Variants in CCDC183 observed in about 807,000 individuals in gnomAD.
CCDC183 encodes the protein coiled-coil domain containing 183.
A neutral mutation model predicts 65.2 loss-of-function variants in CCDC183; 63 were observed. The observed-to-expected ratio is 0.97, with a 90% CI of 0.79 to 1.19. CCDC183 has a LOEUF of 1.19. CCDC183 is among the 50% of genes most tolerant of loss of function. CCDC183 has a pLI of 0.00. For missense variants in CCDC183, 769 were observed against 689.3 expected, an observed-to-expected ratio of 1.12 and a Z score of -1.30; for synonymous variants, 323 against 276.5, an observed-to-expected ratio of 1.17 and a Z score of -1.67.
At chr9:136,803,639 CAG>C (rs1323771341) in intron 6 of CCDC183, among the ~76,000 whole-genome samples, 1 of 152,212 alleles carries the variant, frequency 6.6e-6, no homozygotes, top group African/African-American at 2.4e-5. Context: ...GCCAGCTCAG[CAG>C]AGACAGGTGG....
intron 3 of CCDC183, 57 bp from the exon 4 acceptor site, chr9:136,799,945 G>A (rs1202967605): frequency 2.2e-5 from 34 of 1,543,822 alleles, no homozygotes; most frequent in Non-Finnish European, 2.7e-5. Flanking sequence ...GCCTGCTGGC[G>A]GGCTCCATGG....
chr9:136,797,114 G>C (rs528055316), intron 1 of CCDC183, among the ~76,000 whole-genome samples: 2 of 152,218 alleles, frequency 1.3e-5, no homozygotes, highest in South Asian at 4.1e-4. Context: ...TCTGTGGCTA[G>C]AGGCAAGATA....
Position 136,804,675 on chromosome 9 carries a change from T to C in CCDC183, c.792+48T>C. ...GCTGGCTGCCCATCCCCATGACAGCTGGGTGGACACAGGCTCAGGGCCACC... is the reference window on the plus strand; with the variant it reads ...GCTGGCTGCCCATCCCCATGACAGCCGGGTGGACACAGGCTCAGGGCCACC... On this transcript the variant is annotated intron_variant, in intron 7 of 13. Coordinates refer to ENST00000338005, the MANE Select transcript of CCDC183 (RefSeq NM_001039374.5). The surrounding 1 kb of genome is among the most constrained non-coding windows in gnomAD (Gnocchi z 4.1). 6.2e-7 allele frequency: 1 copy of C among 1,612,824 alleles called. No homozygotes were observed. The highest frequency in any genetic ancestry group is 1.1e-5 in the South Asian group (1 of 91,038).
At chr9:136,800,610 C>T (rs1847724486) in intron 5 of CCDC183, 117 bp downstream of exon 5, 2 of 711,310 alleles carry the variant, frequency 2.8e-6, no homozygotes, top group Admixed American at 2.9e-5. Flanking sequence ...TGCCTGACCA[C>T]CGGCTACGCA....
In CCDC183 at chr9:136,800,452, A is replaced by G. The variant is rs747538741; in HGVS notation, c.502A>G (p.Ile168Val). 3 of 1,612,816 alleles carry G rather than the reference A, an allele frequency of 1.9e-6. No homozygotes were observed. Among genetic ancestry groups the G allele is most frequent in the Non-Finnish European group, 2.5e-6 (3 of 1,179,508 alleles). Residue 168 changes from isoleucine (I) to valine (V), a missense_variant, in exon 5 of 14, where the codon ATC becomes GTC. By Grantham distance (29) the Ile-to-Val change is conservative. Coordinates refer to ENST00000338005, the MANE Select transcript of CCDC183 (RefSeq NM_001039374.5). ...GATCAAGATCATCACCAGCCAGAAC[A>G]TCCACCTGCTGTATTTGGACCTGCT... ...TMIKIITSQN[I>V]HLLYLDLLDY...
At position 136,799,803 on chromosome 9, in the gene CCDC183, G is replaced by T. The variant is rs755982521; in HGVS notation, c.270+13G>T. ...CAGCACCATGGAGGTAACCAGGCAG[G>T]AGGGGCCTCGAGACCCAACCCTCCC... On this transcript the variant is annotated intron_variant, in intron 3 of 13. Coordinates refer to ENST00000338005, the MANE Select transcript of CCDC183 (RefSeq NM_001039374.5). 3.1e-6 allele frequency: 5 copies of T among 1,609,980 alleles called. No individual in the cohort carries two copies. Among genetic ancestry groups the T allele is most frequent in the Non-Finnish European group, 4.2e-6 (5 of 1,177,816 alleles).
At chr9:136,796,488 C>A (rs1354770295) in intron 1 of CCDC183, 21 bp downstream of exon 1, 4 of 1,543,586 alleles carry the variant, frequency 2.6e-6, no homozygotes, top group Non-Finnish European at 3.5e-6. Flanking sequence ...ACCGCCGTGA[C>A]CAGTCTCCCT....
chr9:136,805,971 A>G, intron 9 of CCDC183, 107 bp from the exon 10 acceptor site: 1 of 864,710 alleles, frequency 1.2e-6, no homozygotes, highest in East Asian at 2.7e-5. Context: ...GAGCACAGAG[A>G]AAGTGCACTA....
chr9:136,802,141 T>C lies in CCDC183; in HGVS notation c.544-523T>C, dbSNP rs188087324. On this transcript the variant is annotated intron_variant, in intron 5 of 13. Coordinates refer to ENST00000338005, the MANE Select transcript of CCDC183 (RefSeq NM_001039374.5). ...CTATAGCAAAGCTATCCTGAGCACG[T>C]ATGTACCTGGTTCTGGGCTAAATAA... Among the ~76,000 whole-genome samples the C allele has an allele frequency of 2.0e-3, 311 of 152,298 alleles. 1 individual carries two copies. The highest frequency in any genetic ancestry group is 7.1e-3 in the African/African-American group (295 of 41,552).
intron 1 of CCDC183, among the ~76,000 whole-genome samples, chr9:136,797,993 G>A (rs752464924): frequency 5.9e-5 from 9 of 152,072 alleles, no homozygotes; most frequent in South Asian, 4.2e-4. Flanking sequence ...GCTAATTTTC[G>A]TATTTGTATT....
chr9:136,798,258 G>A (rs951842918), intron 1 of CCDC183, among the ~76,000 whole-genome samples: 5 of 151,026 alleles, frequency 3.3e-5, no homozygotes, highest in Non-Finnish European at 4.4e-5. Context: ...CATCCGCCTC[G>A]GCCTCCCAAA....
intron 9 of CCDC183, 146 bp downstream of exon 9, chr9:136,805,603 G>A (rs1847830024): frequency 1.5e-6 from 1 of 650,514 alleles, no homozygotes; most frequent in Non-Finnish European, 2.7e-6. Flanking sequence ...GACACACAAA[G>A]TGGCAACTCC....
At chr9:136,803,158 AGGGCCAG>A (rs1564350073) in intron 6 of CCDC183, among the ~76,000 whole-genome samples, 4 of 51,468 alleles carry the variant, frequency 7.8e-5, no homozygotes, top group Non-Finnish European at 1.5e-4. Flanking sequence ...GGGGCCCCCC[AGGGCCAG>A]CCCTCTTGGA....
intron 6 of CCDC183, among the ~76,000 whole-genome samples, chr9:136,803,243 A>G (rs1048438802): frequency 2.3e-5 from 2 of 88,040 alleles, no homozygotes; most frequent in Admixed American, 2.1e-4. Flanking sequence ...GCCCTCTTGG[A>G]TCTTCGGATG....
chr9:136,797,790 G>A (rs550145165), intron 1 of CCDC183, among the ~76,000 whole-genome samples: 13 of 152,182 alleles, frequency 8.5e-5, no homozygotes, highest in Admixed American at 5.9e-4. Context: ...AGAAATACCC[G>A]CAGGTGTGGA....
Position 136,796,600 on chromosome 9 carries a change from T to G in CCDC183, c.70+133T>G, listed in dbSNP as rs921177783. On this transcript the variant is annotated intron_variant, in intron 1 of 13. Coordinates refer to ENST00000338005, the MANE Select transcript of CCDC183 (RefSeq NM_001039374.5). ...AAGGAAGACATAAGAAACTCCATTT[T>G]GATCTGTACTAAGAAAAATTGTTTC... is the stretch of plus-strand genomic sequence containing the variant. 4.3e-6 allele frequency: 3 copies of G among 694,618 alleles called. No individual in the cohort carries two copies. In the Admixed American group the frequency reaches 7.2e-5, roughly 17 times the overall value. 43.0% of individuals were successfully genotyped at this position (694,618 alleles called of 1,614,324 possible).
In CCDC183 at chr9:136,807,614, C is replaced by T. The variant is rs780207379; in HGVS notation, c.1529C>T (p.Ser510Leu). 6.2e-7 allele frequency: 1 copy of T among 1,605,946 alleles called. No individual in the cohort carries two copies. The highest frequency in any genetic ancestry group is 1.3e-5 in the African/African-American group (1 of 74,464). ...FPDMDHSYVP[S>L]RAEIKRQAQR... ...GACATGGACCACAGCTACGTCCCTTCGCGCGCCGAGATCAAGAGGCAGGCG... is the reference window on the plus strand; with the variant it reads ...GACATGGACCACAGCTACGTCCCTTTGCGCGCCGAGATCAAGAGGCAGGCG... The change falls in exon 14 of 14, where the codon TCG becomes TTG. Residue 510 changes from serine (S) to leucine (L), a missense_variant. Ser to Leu is a moderately radical substitution (Grantham distance 145). Transcript: ENST00000338005.
chr9:136,806,805 T>C lies in CCDC183; in HGVS notation c.1327T>C (p.Tyr443His). The C allele has an allele frequency of 6.2e-7, 1 of 1,613,608 alleles. No individual in the cohort carries two copies. Among genetic ancestry groups the C allele is most frequent in the Non-Finnish European group, 8.5e-7 (1 of 1,180,018 alleles). The change falls in exon 12 of 14, where the codon TAC becomes CAC. Residue 443 changes from tyrosine (Y) to histidine (H), a missense_variant. Transcript: ENST00000338005. ...NTLDLNSKLAYCEGKLTYLAD... is the reference protein window; with the variant it reads ...NTLDLNSKLAHCEGKLTYLAD... ...CCTCGATTTGAACAGCAAGCTGGCG[T>C]ACTGCGAGGGGAAGCTCACGTACCT...
At chr9:136,800,569 C>A in intron 5 of CCDC183, 76 bp downstream of exon 5, 1 of 1,069,606 alleles carries the variant, frequency 9.3e-7, no homozygotes, top group African/African-American at 1.6e-5. Flanking sequence ...TGGGGCGGAG[C>A]CGCCCCGCAC....
Sources: gnomAD v4.1 joint callset for allele counts (sites outside exome capture counted in the v4.1 genomes callset) on GRCh38, gnomAD v4.1.1 for gene constraint, Gnocchi (gnomAD v3.1) non-coding constraint, MANE v1.5 for transcripts, NCBI Gene and HGNC (gene_info 2026-07-23, HGNC 2026-07-21) for gene names.